CPEB3: variants seen among roughly 807,000 people sequenced by gnomAD.
The protein encoded by CPEB3 is cytoplasmic polyadenylation element binding protein 3, also known as cytoplasmic polyadenylation element-binding protein 3.
CPEB3 carries 20 observed loss-of-function variants against 67.2 expected under a neutral mutation model. The ratio of observed to expected loss-of-function variants is 0.30; its 90% CI spans 0.21 to 0.43. CPEB3 has a LOEUF of 0.43. Ranked by LOEUF, CPEB3 falls within the 20% of genes least tolerant of loss-of-function variation. The probability of loss-of-function intolerance (pLI) is 1.00; values close to 1 mark genes in which losing one functional copy is unlikely to be tolerated. For missense variants in CPEB3, 746 were observed against 968.6 expected, an observed-to-expected ratio of 0.77 and a Z score of 3.05; for synonymous variants, 376 against 393.1, an observed-to-expected ratio of 0.96 and a Z score of 0.51.
intron 2 of CPEB3, among the ~76,000 whole-genome samples, chr10:92,217,596 T>C (rs1001241939): frequency 6.6e-6 from 1 of 151,602 alleles, no homozygotes; most frequent in African/African-American, 2.4e-5. Context: ...ACCCCGTCTC[T>C]ACTAAAAATA....
chr10:92,103,218 G>T (rs577691251), intron 7 of CPEB3, among the ~76,000 whole-genome samples: 1 of 152,184 alleles, frequency 6.6e-6, no homozygotes, highest in East Asian at 1.9e-4. Flanking sequence ...ATGCCACTAG[G>T]TGAGACCCAC....
At chr10:92,178,445 C>T (rs1299974224) in intron 4 of CPEB3, among the ~76,000 whole-genome samples, 1 of 152,126 alleles carries the variant, frequency 6.6e-6, no homozygotes, top group Non-Finnish European at 1.5e-5. Context: ...AGATGTGAGG[C>T]ACCACGCCCA....
At chr10:92,195,236 G>A (rs1338783646) in intron 2 of CPEB3, among the ~76,000 whole-genome samples, 1 of 152,104 alleles carries the variant, frequency 6.6e-6, no homozygotes, top group African/African-American at 2.4e-5. Context: ...TTCCAGCCTT[G>A]CACTTGATCA....
chr10:92,115,314 C>A (rs1844963150), intron 6 of CPEB3, among the ~76,000 whole-genome samples: 1 of 152,138 alleles, frequency 6.6e-6, no homozygotes, highest in African/African-American at 2.4e-5. Context: ...ACACCACACC[C>A]GACTAATTTT....
chr10:92,072,819 C>T (rs78953780), intron 9 of CPEB3, among the ~76,000 whole-genome samples: 1,594 of 152,234 alleles, frequency 0.01, 19 homozygotes, highest in African/African-American at 0.037. Flanking sequence ...GCCTCTGTTA[C>T]GCACGAGTGT....
At chr10:92,270,311 G>A (rs1474147810) in intron 1 of CPEB3, among the ~76,000 whole-genome samples, 6 of 152,100 alleles carry the variant, frequency 3.9e-5, no homozygotes, top group Non-Finnish European at 8.8e-5. Flanking sequence ...CTGGAGTAAC[G>A]TCAGCCTTAA....
chr10:92,120,705 A>G (rs1216254017), intron 6 of CPEB3, among the ~76,000 whole-genome samples: 2 of 152,056 alleles, frequency 1.3e-5, no homozygotes, highest in Middle Eastern at 3.2e-3. Context: ...AGAGTCTACA[A>G]TTCTTTTTTT....
chr10:92,056,797 C>T (rs1352083280), intron 9 of CPEB3, among the ~76,000 whole-genome samples: 2 of 152,192 alleles, frequency 1.3e-5, no homozygotes, highest in Non-Finnish European at 2.9e-5. Flanking sequence ...CTGCACAGCT[C>T]ATGGCTCCAA....
chr10:92,056,608 G>A (rs1331165928), intron 9 of CPEB3, among the ~76,000 whole-genome samples: 2 of 152,142 alleles, frequency 1.3e-5, no homozygotes, highest in Non-Finnish European at 2.9e-5. Context: ...TCGCCACTGT[G>A]GGCTACAGTG....
At chr10:92,067,377 G>A (rs2134362608) in intron 9 of CPEB3, among the ~76,000 whole-genome samples, 1 of 152,008 alleles carries the variant, frequency 6.6e-6, no homozygotes, top group South Asian at 2.1e-4. Context: ...GCGCATGCCT[G>A]TAGTCCCAGC....
intron 1 of CPEB3, among the ~76,000 whole-genome samples, chr10:92,271,490 T>C (rs923851541): frequency 6.6e-6 from 1 of 152,210 alleles, no homozygotes; most frequent in African/African-American, 2.4e-5. Context: ...CTTTCTTTCA[T>C]GACCTTGACA....
At chr10:92,068,728 G>A (rs1044778463) in intron 9 of CPEB3, among the ~76,000 whole-genome samples, 1 of 152,194 alleles carries the variant, frequency 6.6e-6, no homozygotes, top group Non-Finnish European at 1.5e-5. Flanking sequence ...GAGGACAGGA[G>A]AGTCAGAAGT....
At chr10:92,101,374 A>C (rs1198133742) in intron 7 of CPEB3, among the ~76,000 whole-genome samples, 1 of 152,080 alleles carries the variant, frequency 6.6e-6, no homozygotes, top group Non-Finnish European at 1.5e-5. Context: ...CTTTTAGTCT[A>C]CATAAATTGG....
chr10:92,111,991 T>C (rs575573210), intron 6 of CPEB3, among the ~76,000 whole-genome samples: 2 of 152,284 alleles, frequency 1.3e-5, no homozygotes, highest in South Asian at 2.1e-4. Context: ...TCTAGAAAAA[T>C]GGACATTAGC....
intron 1 of CPEB3, among the ~76,000 whole-genome samples, chr10:92,289,732 A>AAAAAAAAAATATATATATAT: frequency 4.0e-5 from 3 of 75,772 alleles, no homozygotes; most frequent in Non-Finnish European, 7.7e-5. Context: ...AAAAAAAAAA[A>AAAAAAAAAATATATATATAT]ATATATATAT....
At chr10:92,203,358 A>ATATG (rs1849610856) in intron 2 of CPEB3, among the ~76,000 whole-genome samples, 9 of 147,014 alleles carry the variant, frequency 6.1e-5, no homozygotes, top group East Asian at 2.0e-4. Context: ...ATATATATGT[A>ATATG]TATATATGTA....
At chr10:92,139,382 T>A (rs1358932984) in intron 6 of CPEB3, among the ~76,000 whole-genome samples, 2 of 150,442 alleles carry the variant, frequency 1.3e-5, no homozygotes, top group Non-Finnish European at 3.0e-5. Context: ...TGCAACAACA[T>A]GGATGGAACT....
intron 2 of CPEB3, among the ~76,000 whole-genome samples, chr10:92,232,631 G>A (rs139949185): frequency 0.048 from 7,303 of 151,686 alleles, 265 homozygotes; most frequent in Non-Finnish European, 0.074. Context: ...GGTGGCAGGC[G>A]CCTGTAATCC....
intron 2 of CPEB3, among the ~76,000 whole-genome samples, chr10:92,221,593 C>G (rs1342856384): frequency 6.6e-6 from 1 of 152,104 alleles, no homozygotes; most frequent in African/African-American, 2.4e-5. Context: ...TGGTATACCC[C>G]CAAAATGCAC....
Sources: allele counts gnomAD v4.1 joint callset (sites outside exome capture counted in the v4.1 genomes callset), GRCh38; gene constraint gnomAD v4.1.1; transcripts MANE v1.5; gene names NCBI Gene and HGNC (gene_info 2026-07-23, HGNC 2026-07-21).